The following PTPRD variants were observed in gnomAD, a reference collection of about 807,000 sequenced individuals.
The protein encoded by PTPRD is protein tyrosine phosphatase receptor type D.
PTPRD carries 34 observed loss-of-function variants against 214.5 expected under a neutral mutation model. The observed-to-expected ratio is 0.16, with a 90% CI of 0.12 to 0.21. PTPRD has a LOEUF of 0.21. Among genes scored for constraint, PTPRD ranks in the 10% least tolerant of loss-of-function variants. PTPRD has a pLI of 1.00. For missense variants in PTPRD, 2,545 were observed against 2,398.7 expected (o/e 1.06, Z -1.27); for synonymous variants, 1,128 against 845.7 (o/e 1.33, Z -5.79).
At chr9:9,961,025 G>T (rs975392434) in intron 4 of PTPRD, among the ~76,000 whole-genome samples, 1 of 152,062 alleles carries the variant, frequency 6.6e-6, no homozygotes, top group African/African-American at 2.4e-5. Flanking sequence ...CTTCTCAAAA[G>T]AAGACATTTA....
chr9:9,533,707 A>C (rs2075964107), intron 8 of PTPRD, among the ~76,000 whole-genome samples: 1 of 151,982 alleles, frequency 6.6e-6, no homozygotes, highest in Admixed American at 6.6e-5. Flanking sequence ...CCTTAATATT[A>C]ATGATGATCT....
intron 7 of PTPRD, among the ~76,000 whole-genome samples, chr9:9,615,019 T>C (rs751502746): frequency 2.6e-5 from 4 of 152,178 alleles, no homozygotes; most frequent in Non-Finnish European, 5.9e-5. Flanking sequence ...AGGGGCTTCC[T>C]GCAATTTCCA....
intron 8 of PTPRD, among the ~76,000 whole-genome samples, chr9:9,486,502 C>G (rs1407189994): frequency 2.0e-5 from 3 of 152,088 alleles, no homozygotes; most frequent in Non-Finnish European, 4.4e-5. Flanking sequence ...CACATACACT[C>G]TTATGCTTTT....
chr9:10,000,550 C>T (rs2096281473), intron 4 of PTPRD, among the ~76,000 whole-genome samples: 1 of 152,130 alleles, frequency 6.6e-6, no homozygotes, highest in Non-Finnish European at 1.5e-5. Flanking sequence ...CCACTAACAA[C>T]AGTTAGGTTT....
chr9:10,041,967 G>C (rs964925341), intron 3 of PTPRD, among the ~76,000 whole-genome samples: 10 of 152,034 alleles, frequency 6.6e-5, no homozygotes, highest in Admixed American at 3.9e-4. Context: ...TGTATTCCTA[G>C]CTGAAGTAAA....
Position 10,196,995 on chromosome 9 carries a change from A to G in PTPRD, c.-545+143968T>C, listed in dbSNP as rs560349258. Reference sequence around the variant, plus strand: ...GGAACCTGACCATGCTGGCACGCTGATCTCAGATTTTCAGGCCCCAGAACT... The same window carrying G: ...GGAACCTGACCATGCTGGCACGCTGGTCTCAGATTTTCAGGCCCCAGAACT... On this transcript the variant is annotated intron_variant, in intron 3 of 45. Coordinates refer to ENST00000381196, the MANE Select transcript of PTPRD (RefSeq NM_002839.4). Among the ~76,000 whole-genome samples the G allele has an allele frequency of 3.9e-5, 6 of 152,230 alleles. No individual in the cohort carries two copies. In the East Asian group the frequency reaches 1.2e-3, roughly 29 times the overall value.
intron 2 of PTPRD, among the ~76,000 whole-genome samples, chr9:10,398,404 T>C (rs550090508): frequency 9.2e-5 from 14 of 151,914 alleles, no homozygotes; most frequent in Non-Finnish European, 2.1e-4. Flanking sequence ...TATATCTATA[T>C]ATATATTTGT....
At chr9:10,130,998 C>A (rs762161672) in intron 3 of PTPRD, among the ~76,000 whole-genome samples, 1 of 152,084 alleles carries the variant, frequency 6.6e-6, no homozygotes, top group African/African-American at 2.4e-5. Flanking sequence ...CTATAAGCTA[C>A]CATCAAATGC....
chr9:9,259,773 G>A (rs1173454523), intron 9 of PTPRD, among the ~76,000 whole-genome samples: 3 of 151,872 alleles, frequency 2.0e-5, no homozygotes, highest in Non-Finnish European at 4.4e-5. Flanking sequence ...AGAAAGGTTT[G>A]GAGAACTGTA....
chr9:10,153,898 T>C (rs2099077552), intron 3 of PTPRD, among the ~76,000 whole-genome samples: 1 of 152,174 alleles, frequency 6.6e-6, no homozygotes, highest in East Asian at 1.9e-4. Flanking sequence ...GATGGGCATG[T>C]AAGTTGATTC....
chr9:10,273,317 TATTA>T (rs1159062283), intron 3 of PTPRD, among the ~76,000 whole-genome samples: 4 of 152,248 alleles, frequency 2.6e-5, no homozygotes, highest in East Asian at 1.9e-4. Context: ...AGATTGTAAA[TATTA>T]ATTGAGTAAA....
intron 11 of PTPRD, among the ~76,000 whole-genome samples, chr9:8,912,886 C>A (rs907126917): frequency 6.6e-6 from 1 of 151,944 alleles, no homozygotes; most frequent in Admixed American, 6.6e-5. Flanking sequence ...TACCTATGTC[C>A]CTATTTGAAG....
intron 4 of PTPRD, among the ~76,000 whole-genome samples, chr9:9,948,624 CA>C (rs991448320): frequency 1.2e-4 from 18 of 151,750 alleles, no homozygotes; most frequent in African/African-American, 4.4e-4. Flanking sequence ...CTTTTTTCCC[CA>C]AAGGTTAAAT....
chr9:8,933,338 AG>A (rs138122437), intron 11 of PTPRD, among the ~76,000 whole-genome samples: 6,563 of 36,622 alleles, frequency 0.18, 687 homozygotes, highest in African/African-American at 0.38. Flanking sequence ...CACAACCTTG[AG>A]GTTTTTTTTT....
intron 33 of PTPRD, among the ~76,000 whole-genome samples, chr9:8,454,810 TAG>T (rs748362093): frequency 1.0e-5 from 1 of 98,506 alleles, no homozygotes; most frequent in Non-Finnish European, 1.9e-5. Context: ...ACTGAATACA[TAG>T]TGTGTGTGTG....
rs936072411 is a variant in PTPRD at position 8,590,279 on chromosome 9, G to A, written c.352+43038C>T. ...TCTAAATATGACATAAGAGCTCTGC[G>A]GAGGTAATATAAGTGTGGATATCCA... is the stretch of plus-strand genomic sequence containing the variant. On this transcript the variant is annotated intron_variant, in intron 14 of 45. Coordinates refer to ENST00000381196, the MANE Select transcript of PTPRD (RefSeq NM_002839.4). Among the ~76,000 whole-genome samples, 6 of 152,086 alleles carry A rather than the reference G, an allele frequency of 3.9e-5. No homozygotes were observed. In the South Asian group the frequency reaches 6.2e-4, roughly 16 times the overall value.
At chr9:9,422,115 T>C (rs4279660) in intron 8 of PTPRD, among the ~76,000 whole-genome samples, 122,440 of 152,020 alleles carry the variant, frequency 0.81, 49,440 homozygotes, top group Non-Finnish European at 0.81. Context: ...TACTGTGTGA[T>C]TGGTACTACA....
chr9:9,923,087 A>G (rs1417594394), intron 5 of PTPRD, among the ~76,000 whole-genome samples: 1 of 149,794 alleles, frequency 6.7e-6, no homozygotes, highest in Admixed American at 6.7e-5. Context: ...GTAACGTAAA[A>G]TGACTAAGGA....
At chr9:8,805,694 C>G (rs1409456273) in intron 11 of PTPRD, among the ~76,000 whole-genome samples, 1 of 151,544 alleles carries the variant, frequency 6.6e-6, no homozygotes, top group African/African-American at 2.4e-5. Flanking sequence ...CCTCCACCCC[C>G]TGGGTTCAAG....
Sources: gnomAD v4.1 joint callset for allele counts (sites outside exome capture counted in the v4.1 genomes callset) on GRCh38, gnomAD v4.1.1 for gene constraint, MANE v1.5 for transcripts, NCBI Gene and HGNC (gene_info 2026-07-23, HGNC 2026-07-21) for gene names.